The following TNFRSF10A variants were observed in gnomAD, a reference collection of about 807,000 sequenced individuals.
TNFRSF10A encodes the protein tumor necrosis factor receptor superfamily member 10A.
In TNFRSF10A, 44 loss-of-function variants were observed where a neutral mutation model predicts 42.8. That is an observed-to-expected ratio of 1.03 (90% CI 0.81 to 1.32). TNFRSF10A has a LOEUF of 1.32. Among genes scored for constraint, TNFRSF10A ranks in the 40% most tolerant of loss-of-function variants. The probability of loss-of-function intolerance (pLI) is 0.00; values close to 1 mark genes in which losing one functional copy is unlikely to be tolerated. For missense variants in TNFRSF10A, 680 were observed against 602.0 expected (o/e 1.13, Z -1.36); for synonymous variants, 259 against 234.2 (o/e 1.11, Z -0.97).
intron 1 of TNFRSF10A, among the ~76,000 whole-genome samples, chr8:23,215,819 T>C (rs989805733): frequency 1.4e-5 from 2 of 141,572 alleles, no homozygotes; most frequent in African/African-American, 5.4e-5. Flanking sequence ...GGTTTATTAC[T>C]TTTTTTTTTT....
At chr8:23,211,840 T>G (rs1801095100) in intron 2 of TNFRSF10A, among the ~76,000 whole-genome samples, 1 of 152,196 alleles carries the variant, frequency 6.6e-6, no homozygotes, top group Non-Finnish European at 1.5e-5. Flanking sequence ...GTTGGACGCT[T>G]ATCTGATGCC....
intron 9 of TNFRSF10A, among the ~76,000 whole-genome samples, chr8:23,196,529 C>T (rs977098617): frequency 1.3e-5 from 2 of 151,994 alleles, no homozygotes; most frequent in Admixed American, 1.3e-4. Context: ...CTATATAAAC[C>T]CCTAGTTTTA....
Position 23,201,855 on chromosome 8 carries a change from A to G in TNFRSF10A, c.582T>C (p.Thr194=). The change falls in exon 4 of 10, where the codon ACT becomes ACC. Residue 194 remains threonine, a synonymous_variant. Coordinates refer to ENST00000221132, the MANE Select transcript of TNFRSF10A (RefSeq NM_003844.4). ...RNTACQCKPG[T]FRNDNSAEMC... is the part of the protein sequence containing the mutation. ...TCTCAGCAGAATTGTCATTCCGGAA[A>G]GTTCCTGGTTTGCACTGACATGCTG... is the stretch of plus-strand genomic sequence containing the variant. The G allele has an allele frequency of 6.2e-7, 1 of 1,614,204 alleles. No individual in the cohort carries two copies. Among genetic ancestry groups the G allele is most frequent in the African/African-American group, 1.3e-5 (1 of 75,052 alleles).
At chr8:23,199,610 T>C (rs1800878491) in intron 7 of TNFRSF10A, among the ~76,000 whole-genome samples, 162 bp from the exon 8 acceptor site, 1 of 152,080 alleles carries the variant, frequency 6.6e-6, no homozygotes. Context: ...CAGGCCCTGG[T>C]GCTGGGCTTG....
rs761290876 is a variant in TNFRSF10A, at chr8:23,200,709, G to A, written c.681C>T (p.Ile227=). Residue 227 remains isoleucine, a synonymous_variant, in exon 5 of 10, where the codon ATC becomes ATT. Transcript: ENST00000221132. ...TACCTGATTCTTTGTGGACACACTCGATGTCACTCCAGGGCGTACAATCCT... is the reference window on the plus strand; with the variant it reads ...TACCTGATTCTTTGTGGACACACTCAATGTCACTCCAGGGCGTACAATCCT... ...KVKDCTPWSD[I]ECVHKESGNG... 1.4e-5 allele frequency: 22 copies of A among 1,556,710 alleles called. No homozygotes were observed. The highest frequency in any genetic ancestry group is 3.4e-5 in the Admixed American group (2 of 58,004).
intron 2 of TNFRSF10A, among the ~76,000 whole-genome samples, chr8:23,205,981 G>C (rs1255166991): frequency 6.6e-6 from 1 of 152,044 alleles, no homozygotes; most frequent in African/African-American, 2.4e-5. Flanking sequence ...CTCCCAAAGT[G>C]CTGGGATTAC....
chr8:23,198,744 C>T (rs1800863728), intron 8 of TNFRSF10A, among the ~76,000 whole-genome samples: 1 of 151,994 alleles, frequency 6.6e-6, no homozygotes. Context: ...TGTGTGTGTG[C>T]ATGTGTGTAC....
chr8:23,212,047 A>G, intron 2 of TNFRSF10A, 69 bp downstream of exon 2: 1 of 1,355,012 alleles, frequency 7.4e-7, no homozygotes, highest in Non-Finnish European at 1.0e-6. Context: ...TTTTGAGATA[A>G]TTTTTGTATA....
At chr8:23,220,065 A>C (rs1386958974) in intron 1 of TNFRSF10A, among the ~76,000 whole-genome samples, 1 of 152,126 alleles carries the variant, frequency 6.6e-6, no homozygotes, top group African/African-American at 2.4e-5. Context: ...CGAGTGTCTG[A>C]GGTGCCGAGT....
rs1354319411 is a variant in TNFRSF10A at position 23,224,804 on chromosome 8, G to T, written c.258C>A (p.Leu86=). 3 of 1,567,960 alleles carry T rather than the reference G, an allele frequency of 1.9e-6. No homozygotes were observed. Among genetic ancestry groups the T allele is most frequent in the Admixed American group, 1.9e-5 (1 of 52,624 alleles). ...PRPAREASPR[L]RVHKTFKFVV... is the part of the protein sequence containing the mutation. ...CAAACTTGAAGGTCTTGTGGACCCG[G>T]AGCCGAGGGCTGGCTTCCCGCGCCG... Residue 86 remains leucine, a synonymous_variant, in exon 1 of 10, where the codon CTC becomes CTA. Transcript: ENST00000221132.
chr8:23,218,165 T>A (rs4872086), intron 1 of TNFRSF10A, among the ~76,000 whole-genome samples: 56,173 of 151,400 alleles, frequency 0.37, 10,913 homozygotes, highest in Middle Eastern at 0.5. Flanking sequence ...TTTGTGTGTG[T>A]GAGAGAGAGA....
rs1169079544 is a variant in TNFRSF10A at position 23,191,455 on chromosome 8, C to T, written c.*239G>A. ...CCGAGAATATATGCACACACCATCACATCCAGTTAATTTTTGTATTTTTTT... is the reference window on the plus strand; with the variant it reads ...CCGAGAATATATGCACACACCATCATATCCAGTTAATTTTTGTATTTTTTT... On this transcript the variant is annotated 3_prime_UTR_variant, in exon 10 of 10. Transcript: ENST00000221132. 6 of 601,890 alleles carry T rather than the reference C, an allele frequency of 1.0e-5. No individual in the cohort carries two copies. The highest frequency in any genetic ancestry group is 2.2e-5 in the South Asian group (1 of 44,690). The allele number at this position is 601,890 out of a possible 1,614,324, so 37.3% of individuals were successfully genotyped here. A position where few individuals can be genotyped will look rare whatever the true frequency, so the allele number is the denominator to read the frequency against.
intron 8 of TNFRSF10A, among the ~76,000 whole-genome samples, chr8:23,198,849 C>T (rs1432031888): frequency 6.6e-6 from 1 of 152,210 alleles, no homozygotes; most frequent in African/African-American, 2.4e-5. Context: ...TGGAATCCTC[C>T]ATACAACCAT....
chr8:23,206,326 C>T (rs1801007845), intron 2 of TNFRSF10A, among the ~76,000 whole-genome samples: 1 of 152,180 alleles, frequency 6.6e-6, no homozygotes, highest in Non-Finnish European at 1.5e-5. Flanking sequence ...TGTCCCAGGC[C>T]TTCACATTCA....
chr8:23,200,016 C>A, intron 6 of TNFRSF10A, 99 bp from the exon 7 acceptor site: 1 of 1,482,372 alleles, frequency 6.7e-7, no homozygotes, highest in Non-Finnish European at 9.3e-7. Flanking sequence ...GGGGCTGGGA[C>A]ACTGGACAAA....
Position 23,199,259 on chromosome 8 carries a change from A to C in TNFRSF10A, c.1014+7T>G. 6.2e-7 allele frequency: 1 copy of C among 1,609,872 alleles called. No individual in the cohort carries two copies. Among genetic ancestry groups the C allele is most frequent in the Non-Finnish European group, 8.5e-7 (1 of 1,176,666 alleles). On this transcript the variant is annotated splice_region_variant and intron_variant, in intron 8 of 9. Transcript: ENST00000221132. The stretch of plus-strand genomic sequence containing the variant: ...CAAGGTCTTGGAGGGGCCTGTCCCC[A>C]ACTCACCAGCAGACACTGTGCCTCC...
chr8:23,215,904 G>A (rs1036796381), intron 1 of TNFRSF10A, among the ~76,000 whole-genome samples: 1 of 150,916 alleles, frequency 6.6e-6, no homozygotes, highest in Non-Finnish European at 1.5e-5. Context: ...CTGCAACCTC[G>A]GTCTCCTGGG....
intron 4 of TNFRSF10A, among the ~76,000 whole-genome samples, 185 bp from the exon 5 acceptor site, chr8:23,200,945 A>T (rs6557629): frequency 6.6e-6 from 1 of 151,810 alleles, no homozygotes; most frequent in Non-Finnish European, 1.5e-5. Context: ...CTGAGCATGC[A>T]CACTTTACCC....
chr8:23,194,117 T>G (rs549996946), intron 9 of TNFRSF10A, among the ~76,000 whole-genome samples: 19 of 152,352 alleles, frequency 1.2e-4, no homozygotes, highest in South Asian at 2.1e-4. Flanking sequence ...TTCAGCCATG[T>G]GAACATATTT....
Sources: gnomAD v4.1 joint callset for allele counts (sites outside exome capture counted in the v4.1 genomes callset) on GRCh38, gnomAD v4.1.1 for gene constraint, MANE v1.5 for transcripts, NCBI Gene and HGNC (gene_info 2026-07-23, HGNC 2026-07-21) for gene names.